The following SDCCAG8 variants were observed in gnomAD, a reference collection of about 807,000 sequenced individuals.
The protein encoded by SDCCAG8 is SHH signaling and ciliogenesis regulator SDCCAG8, also known as serologically defined colon cancer antigen 8.
Under a neutral mutation model 101.8 loss-of-function variants are expected in SDCCAG8, and 74 were observed. The ratio of observed to expected loss-of-function variants is 0.73; its 90% CI spans 0.60 to 0.88. The LOEUF (loss-of-function observed/expected upper bound fraction) is 0.88. Ranked by LOEUF, SDCCAG8 falls within the 40% of genes least tolerant of loss-of-function variation. The pLI is 0.00. For synonymous variants in SDCCAG8, 281 were observed against 292.9 expected (o/e 0.96, Z 0.41); for missense variants, 787 against 822.6 (o/e 0.96, Z 0.53).
intron 12 of SDCCAG8, among the ~76,000 whole-genome samples, chr1:243,370,400 AT>A (rs1000242287): frequency 2.6e-5 from 4 of 151,988 alleles, no homozygotes; most frequent in African/African-American, 7.2e-5. Context: ...GTGCAAAGCA[AT>A]TTTTTTTCCA....
Position 243,378,980 on chromosome 1 carries a change from A to G in SDCCAG8, c.1616+117A>G, listed in dbSNP as rs1024903079. The G allele has an allele frequency of 1.4e-5, 19 of 1,333,368 alleles. No homozygotes were observed. In the East Asian group the frequency reaches 4.2e-4, roughly 29 times the overall value. The allele number at this position is 1,333,368 out of a possible 1,614,324, so 82.6% of individuals were successfully genotyped here. A position where few individuals can be genotyped will look rare whatever the true frequency, so the allele number is the denominator to read the frequency against. On this transcript the variant is annotated intron_variant, in intron 13 of 17. Transcript: ENST00000366541. ...GTCATTCAATTCACACTTAGCTTTC[A>G]GGCATATTAAGAAAAGTGGAGATGT...
At chr1:243,392,385 T>A (rs1234090376) in intron 13 of SDCCAG8, among the ~76,000 whole-genome samples, 2 of 152,236 alleles carry the variant, frequency 1.3e-5, no homozygotes, top group African/African-American at 4.8e-5. Flanking sequence ...TATCTTGCCA[T>A]TCCTGATATC....
At chr1:243,259,237 T>TA (rs559992892) in intron 1 of SDCCAG8, among the ~76,000 whole-genome samples, 109 of 141,614 alleles carry the variant, frequency 7.7e-4, no homozygotes, top group Admixed American at 2.2e-3. Context: ...CCGTCTGTAC[T>TA]AAAAAAAAAA....
chr1:243,308,328 G>A, intron 8 of SDCCAG8, 151 bp downstream of exon 8: 1 of 928,808 alleles, frequency 1.1e-6, no homozygotes, highest in Non-Finnish European at 1.7e-6. Context: ...CTTCATTATA[G>A]CTTCCTTGAA....
intron 16 of SDCCAG8, among the ~76,000 whole-genome samples, chr1:243,444,675 G>T (rs144175513): frequency 6.6e-6 from 1 of 152,116 alleles, no homozygotes; most frequent in African/African-American, 2.4e-5. Context: ...GAGCCACTGC[G>T]CCTGGCCAGA....
intron 6 of SDCCAG8, among the ~76,000 whole-genome samples, chr1:243,297,006 A>G (rs558123505): frequency 2.0e-5 from 3 of 152,320 alleles, no homozygotes; most frequent in African/African-American, 7.2e-5. Context: ...AAAAATTTAC[A>G]GCTCAAAGAT....
intron 17 of SDCCAG8, among the ~76,000 whole-genome samples, chr1:243,490,963 A>T (rs1466310227): frequency 1.3e-5 from 2 of 152,218 alleles, no homozygotes; most frequent in African/African-American, 4.8e-5. Context: ...GCAGGTGACT[A>T]GGCTCTTGTC....
intron 13 of SDCCAG8, among the ~76,000 whole-genome samples, chr1:243,392,558 T>A (rs1164041410): frequency 2.6e-5 from 4 of 152,148 alleles, no homozygotes; most frequent in African/African-American, 9.7e-5. Flanking sequence ...CAACGTTTGG[T>A]TTGAGGAAAG....
At chr1:243,337,262 G>A (rs895624721) in intron 10 of SDCCAG8, among the ~76,000 whole-genome samples, 5 of 152,106 alleles carry the variant, frequency 3.3e-5, no homozygotes, top group African/African-American at 9.7e-5. Flanking sequence ...TATTGAATAG[G>A]GAATCCTTTC....
intron 13 of SDCCAG8, among the ~76,000 whole-genome samples, chr1:243,395,388 G>A (rs1304967352): frequency 1.3e-5 from 2 of 152,138 alleles, no homozygotes; most frequent in African/African-American, 4.8e-5. Context: ...TACACTAAAG[G>A]AAAAATATCC....
At chr1:243,412,665 C>T (rs1320486879) in intron 13 of SDCCAG8, among the ~76,000 whole-genome samples, 1 of 151,732 alleles carries the variant, frequency 6.6e-6, no homozygotes, top group Non-Finnish European at 1.5e-5. Flanking sequence ...TGGACCAAGA[C>T]GATTCTCCCA....
chr1:243,263,147 A>C (rs993587802), intron 1 of SDCCAG8, among the ~76,000 whole-genome samples: 7 of 152,180 alleles, frequency 4.6e-5, no homozygotes, highest in Non-Finnish European at 7.3e-5. Flanking sequence ...GAGTGATAGC[A>C]AGTCTCCCCT....
Position 243,270,045 on chromosome 1 carries a change from A to T in SDCCAG8, c.68-60A>T, listed in dbSNP as rs969328765. The T allele has an allele frequency of 1.9e-6, 3 of 1,612,794 alleles. No individual in the cohort carries two copies. The African/African-American group carries it at 4.0e-5, about 22-fold the overall frequency. On this transcript the variant is annotated intron_variant, in intron 1 of 17. Coordinates refer to ENST00000366541, the MANE Select transcript of SDCCAG8 (RefSeq NM_006642.5). The stretch of plus-strand genomic sequence containing the variant: ...CCTTTAAAAACTGCCTTCCTGAGTA[A>T]GTGTCCGTTTGGTCAACCAGACTCC...
chr1:243,418,298 A>C (rs2080748440), intron 15 of SDCCAG8, among the ~76,000 whole-genome samples: 1 of 152,154 alleles, frequency 6.6e-6, no homozygotes, highest in Non-Finnish European at 1.5e-5. Context: ...TTGACATTTC[A>C]ATGTTTAGAA....
intron 14 of SDCCAG8, among the ~76,000 whole-genome samples, chr1:243,417,731 C>T (rs996828452): frequency 6.6e-6 from 1 of 152,150 alleles, no homozygotes; most frequent in Non-Finnish European, 1.5e-5. Context: ...TAAAATGTTA[C>T]ACCAAGCTGG....
At chr1:243,281,800 A>G (rs1370673289) in intron 4 of SDCCAG8, among the ~76,000 whole-genome samples, 1 of 150,992 alleles carries the variant, frequency 6.6e-6, no homozygotes, top group African/African-American at 2.4e-5. Context: ...ATGCACCACT[A>G]TGCCTGGCTA....
chr1:243,452,943 C>T (rs1169933544), intron 16 of SDCCAG8, among the ~76,000 whole-genome samples: 1 of 152,212 alleles, frequency 6.6e-6, no homozygotes, highest in Non-Finnish European at 1.5e-5. Flanking sequence ...TGTTTTCCTT[C>T]TCTGAACTGT....
At chr1:243,450,752 G>A (rs749330751) in intron 16 of SDCCAG8, among the ~76,000 whole-genome samples, 1 of 152,092 alleles carries the variant, frequency 6.6e-6, no homozygotes, top group East Asian at 1.9e-4. Flanking sequence ...TCTGCCTCTC[G>A]GGTTCAAGCA....
intron 8 of SDCCAG8, among the ~76,000 whole-genome samples, chr1:243,312,497 A>G (rs2072826962): frequency 6.6e-6 from 1 of 152,148 alleles, no homozygotes. Flanking sequence ...AGTTGAGATC[A>G]GGAGTTTGAG....
Sources: gnomAD v4.1 joint callset for allele counts (sites outside exome capture counted in the v4.1 genomes callset) on GRCh38, gnomAD v4.1.1 for gene constraint, MANE v1.5 for transcripts, NCBI Gene and HGNC (gene_info 2026-07-23, HGNC 2026-07-21) for gene names.